ZFAT: variants seen among roughly 807,000 people sequenced by gnomAD.
ZFAT encodes the protein zinc finger protein ZFAT.
A neutral mutation model predicts 117.7 loss-of-function variants in ZFAT; 64 were observed. The ratio of observed to expected loss-of-function variants is 0.54; its 90% CI spans 0.44 to 0.67. The LOEUF (loss-of-function observed/expected upper bound fraction) is 0.67, where lower values mean the gene tolerates loss of function less well. Among genes scored for constraint, ZFAT ranks in the 30% least tolerant of loss-of-function variants. The pLI, the probability that ZFAT is intolerant of heterozygous loss-of-function variation, is 0.00. For missense variants in ZFAT, 1,433 were observed against 1,584.5 expected (o/e 0.90, Z 1.62); for synonymous variants, 679 against 615.0 (o/e 1.10, Z -1.54).
At chr8:134,483,674 G>C (rs1409084816) in intron 15 of ZFAT, among the ~76,000 whole-genome samples, 1 of 152,166 alleles carries the variant, frequency 6.6e-6, no homozygotes, top group Admixed American at 6.5e-5. Flanking sequence ...CAGCAGCATA[G>C]ATAGCTCGAT....
the ZFAT span, among the ~76,000 whole-genome samples, chr8:134,809,177 T>C: frequency 6.6e-6 from 1 of 152,120 alleles, no homozygotes; most frequent in African/African-American, 2.4e-5. Flanking sequence ...AGGCCAGTGG[T>C]TCTCAATGCA....
At chr8:134,691,542 G>T (rs954672614) in intron 1 of ZFAT, among the ~76,000 whole-genome samples, 1 of 152,258 alleles carries the variant, frequency 6.6e-6, no homozygotes, top group Non-Finnish European at 1.5e-5. Context: ...TGAGGAGGAC[G>T]GGTAAGCAAG....
rs918586852 is a variant in ZFAT at position 134,606,465 on chromosome 8, A to G, written c.785+2264T>C. On this transcript the variant is annotated intron_variant, in intron 5 of 15. Transcript: ENST00000377838. ...CACAGTGGCTCACGCCTGTAATTCC[A>G]GCATTTTGGGAGGCCAAGGCTGGTG... Among the ~76,000 whole-genome samples, 3 of 152,366 alleles carry G rather than the reference A, an allele frequency of 2.0e-5. No individual in the cohort carries two copies. In the South Asian group the frequency reaches 6.2e-4, roughly 32 times the overall value.
At chr8:134,502,813 A>T (rs796800203) in intron 15 of ZFAT, among the ~76,000 whole-genome samples, 39 of 152,364 alleles carry the variant, frequency 2.6e-4, no homozygotes, top group African/African-American at 8.7e-4. Flanking sequence ...TGCCCGGCTA[A>T]GGGCCTTCAT....
At chr8:134,819,094 G>A in the ZFAT span, among the ~76,000 whole-genome samples, 1 of 152,096 alleles carries the variant, frequency 6.6e-6, no homozygotes, top group Non-Finnish European at 1.5e-5. Context: ...AATAAAAATA[G>A]AGACTTGCCG....
At chr8:134,563,020 C>A (rs1350526949) in intron 11 of ZFAT, among the ~76,000 whole-genome samples, 1 of 152,188 alleles carries the variant, frequency 6.6e-6, no homozygotes, top group Non-Finnish European at 1.5e-5. Flanking sequence ...AATTTTCTCA[C>A]CTCTAAAGTG....
At chr8:134,799,990 A>C in the ZFAT span, among the ~76,000 whole-genome samples, 89 of 152,310 alleles carry the variant, frequency 5.8e-4, 1 homozygote, top group African/African-American at 1.8e-3. Context: ...TACAGATGAG[A>C]AAACCACTGA....
chr8:134,542,995 C>T (rs1367950781), intron 11 of ZFAT, among the ~76,000 whole-genome samples: 2 of 150,454 alleles, frequency 1.3e-5, no homozygotes, highest in African/African-American at 4.9e-5. Context: ...GACCTGCCCA[C>T]ACCTCTCGTG....
At chr8:134,529,806 C>T (rs893532201) in intron 12 of ZFAT, among the ~76,000 whole-genome samples, 4 of 152,226 alleles carry the variant, frequency 2.6e-5, no homozygotes, top group South Asian at 2.1e-4. Context: ...GCAAATTCTA[C>T]AAGTCATGTT....
Position 134,543,464 on chromosome 8 carries a change from T to C in ZFAT, c.2977-10492A>G, listed in dbSNP as rs1240425778. On this transcript the variant is annotated intron_variant, in intron 11 of 15. Coordinates refer to ENST00000377838, the MANE Select transcript of ZFAT (RefSeq NM_020863.4). ...GCCATTCCTTTTTGACTGAGAACAC[T>C]CCCCACCTGCTCTCTCTACTTCACT... Among the ~76,000 whole-genome samples, 3 of 152,366 alleles carry C rather than the reference T, an allele frequency of 2.0e-5. No individual in the cohort carries two copies. The East Asian group carries it at 5.8e-4, about 29-fold the overall frequency.
chr8:134,489,533 C>A (rs1391811174), intron 15 of ZFAT, among the ~76,000 whole-genome samples: 1 of 152,158 alleles, frequency 6.6e-6, no homozygotes, highest in East Asian at 1.9e-4. Context: ...AGCACAGCTC[C>A]CTCCTCAGCG....
chr8:134,659,662 A>G (rs1326729769), intron 1 of ZFAT, among the ~76,000 whole-genome samples: 3 of 152,284 alleles, frequency 2.0e-5, no homozygotes, highest in African/African-American at 7.2e-5. Context: ...TTGGCCTATA[A>G]GCATACTCTT....
intron 8 of ZFAT, among the ~76,000 whole-genome samples, chr8:134,588,832 T>A (rs1441815320): frequency 6.6e-6 from 1 of 152,192 alleles, no homozygotes; most frequent in Admixed American, 6.5e-5. Flanking sequence ...ATTGGGGAAA[T>A]TTTAAACAGA....
At chr8:134,553,683 C>G (rs1018586958) in intron 11 of ZFAT, among the ~76,000 whole-genome samples, 4 of 152,148 alleles carry the variant, frequency 2.6e-5, no homozygotes, top group African/African-American at 9.7e-5. Flanking sequence ...AGGAAGAAAC[C>G]AGGATGGAGT....
chr8:134,654,378 T>A (rs551943162), intron 2 of ZFAT, among the ~76,000 whole-genome samples: 13 of 152,276 alleles, frequency 8.5e-5, no homozygotes, highest in African/African-American at 3.1e-4. Context: ...TTTACCCACA[T>A]AGTATATTCG....
rs200051218 is a variant in ZFAT, at chr8:134,478,710, C to T, written c.3504G>A (p.Glu1168=). The T allele has an allele frequency of 3.8e-6, 6 of 1,565,982 alleles. No homozygotes were observed. In the East Asian group the frequency reaches 9.5e-5, roughly 25 times the overall value. ...TVTVVKQVTE[E]EPSSNHTVMI... ...TGACCGTGTGGTTGGAGCTGGGCTC[C>T]TCCTCGGTGACCTGCGGGAGGAGGG... is the stretch of plus-strand genomic sequence containing the variant. Residue 1168 remains glutamate (E), a synonymous_variant, in exon 16 of 16, where the codon GAG becomes GAA. Coordinates refer to ENST00000377838, the MANE Select transcript of ZFAT (RefSeq NM_020863.4). This position sits in a 1 kb window ranked among gnomAD's most constrained non-coding sequence, Gnocchi z 5.2.
At chr8:134,707,204 A>G (rs1248587303) in intron 1 of ZFAT, among the ~76,000 whole-genome samples, 4 of 152,020 alleles carry the variant, frequency 2.6e-5, no homozygotes, top group South Asian at 2.1e-4. Flanking sequence ...CCTTCCCACA[A>G]TCCCTGGGGC....
chr8:134,491,909 G>A lies in ZFAT; in HGVS notation c.3493-13188C>T, dbSNP rs1818082376. Among the ~76,000 whole-genome samples the A allele has an allele frequency of 2.0e-5, 3 of 151,876 alleles. No individual in the cohort carries two copies. The South Asian group carries it at 6.3e-4, about 32-fold the overall frequency. ...ACTGTCCTGCCAACCACTGTATCTT[G>A]GTATAGTCATGTCTGAATATTAAAA... is the stretch of plus-strand genomic sequence containing the variant. On this transcript the variant is annotated intron_variant, in intron 15 of 15. Coordinates refer to ENST00000377838, the MANE Select transcript of ZFAT (RefSeq NM_020863.4).
chr8:134,718,475 C>T, the ZFAT span, among the ~76,000 whole-genome samples: 10 of 151,954 alleles, frequency 6.6e-5, no homozygotes, highest in East Asian at 5.8e-4. Flanking sequence ...CCAGCCTGGG[C>T]GACAGATTAA....
Sources: gnomAD v4.1 joint callset for allele counts (sites outside exome capture counted in the v4.1 genomes callset) on GRCh38, gnomAD v4.1.1 for gene constraint, Gnocchi (gnomAD v3.1) non-coding constraint, MANE v1.5 for transcripts, NCBI Gene and HGNC (gene_info 2026-07-23, HGNC 2026-07-21) for gene names.